CSNK2B: variants seen among roughly 807,000 people sequenced by gnomAD.
CSNK2B encodes casein kinase 2 beta.
In CSNK2B, 2 loss-of-function variants were observed where a neutral mutation model predicts 28.8. The observed-to-expected ratio is 0.07, with a 90% confidence interval of 0.03 to 0.22. CSNK2B has a LOEUF of 0.22. CSNK2B is among the 10% of genes least tolerant of loss of function. The pLI is 1.00. For synonymous variants in CSNK2B, 89 were observed against 96.1 expected (o/e 0.93, Z 0.43); for missense variants, 107 against 277.9 (o/e 0.39, Z 4.37).
intron 2 of CSNK2B, 48 bp from the exon 3 acceptor site, chr6:31,667,820 G>A (rs200287448): frequency 1.1e-4 from 132 of 1,149,772 alleles, no homozygotes; most frequent in Non-Finnish European, 1.6e-4. Context: ...CCAGGTCAAA[G>A]ATGAGGATTT....
intron 2 of CSNK2B, chr6:31,667,297 A>G: frequency 2.6e-6 from 1 of 379,580 alleles, no homozygotes. Flanking sequence ...ATGCCTGGCT[A>G]ATTTTTGTAT....
intron 3 of CSNK2B, chr6:31,668,278 T>C: frequency 5.0e-6 from 3 of 601,180 alleles, no homozygotes; most frequent in Non-Finnish European, 5.9e-6. Flanking sequence ...ATTGACATTG[T>C]TGCAGTTATG....
chr6:31,669,988 G>A lies in CSNK2B; in HGVS notation c.*62G>A, dbSNP rs1802071256. 2 of 1,386,140 alleles carry A rather than the reference G, an allele frequency of 1.4e-6. No individual in the cohort carries two copies. Among genetic ancestry groups the A allele is most frequent in the Non-Finnish European group, 2.0e-6 (2 of 999,256 alleles). 85.9% of individuals were successfully genotyped at this position (1,386,140 alleles called of 1,614,324 possible). A position where few individuals can be genotyped will look rare whatever the true frequency, so the allele number is the denominator to read the frequency against. ...CCTTTCTTTTTTGCCACCCTTTCAG[G>A]AACCCTGTATGGTTTTTAGTTTAAA... is the stretch of plus-strand genomic sequence containing the variant. On this transcript the variant is annotated 3_prime_UTR_variant, in exon 7 of 7. Transcript: ENST00000375882. This position sits in a 1 kb window ranked among gnomAD's most constrained non-coding sequence, Gnocchi z 4.8.
chr6:31,669,718 G>A lies in CSNK2B; in HGVS notation c.558-118G>A, dbSNP rs1802046646. 2 of 1,059,444 alleles carry A rather than the reference G, an allele frequency of 1.9e-6. No homozygotes were observed. Among genetic ancestry groups the A allele is most frequent in the South Asian group, 1.6e-5 (1 of 64,402 alleles). The allele number at this position is 1,059,444 out of a possible 1,614,324, so 65.6% of individuals were successfully genotyped here. ...TGAGCTGAGAAGTTGGGAACCACGA[G>A]GCTTTAGCTCTGAGCAGGTCCATAG... is the stretch of plus-strand genomic sequence containing the variant. On this transcript the variant is annotated intron_variant, in intron 6 of 6. Transcript: ENST00000375882. This position sits in a 1 kb window ranked among gnomAD's most constrained non-coding sequence, Gnocchi z 4.8.
At chr6:31,667,625 A>G (rs1256148807) in intron 2 of CSNK2B, among the ~76,000 whole-genome samples, 1 of 152,236 alleles carries the variant, frequency 6.6e-6, no homozygotes, top group East Asian at 1.9e-4. Flanking sequence ...AAGATCTTGA[A>G]AAGAATGTCT....
In CSNK2B at chr6:31,666,215, C is replaced by T; in HGVS notation, c.-12+7C>T. 2.0e-6 allele frequency: 2 copies of T among 991,114 alleles called. No homozygotes were observed. The highest frequency in any genetic ancestry group is 1.2e-6 in the Non-Finnish European group (1 of 832,210). The allele number at this position is 991,114 out of a possible 1,614,324, so 61.4% of individuals were successfully genotyped here. A position where few individuals can be genotyped will look rare whatever the true frequency, so the allele number is the denominator to read the frequency against. ...CCTGGTCCCCGTCCAGCCGGTGAGT[C>T]TGAAGTCGTCGCTGCTCCGAGTCCC... On this transcript the variant is annotated splice_region_variant and intron_variant, in intron 1 of 6. Coordinates refer to ENST00000375882, the MANE Select transcript of CSNK2B (RefSeq NM_001320.7).
rs3132448 is a variant in CSNK2B at position 31,666,981 on chromosome 6, G to A, written c.72+78G>A. ...ACGTTCCTTCACATATTCCACTTCT[G>A]CACTGTTCTCTTACATGCTATTTGA... is the stretch of plus-strand genomic sequence containing the variant. On this transcript the variant is annotated intron_variant, in intron 2 of 6. Coordinates refer to ENST00000375882, the MANE Select transcript of CSNK2B (RefSeq NM_001320.7). 1,146,248 of 1,146,382 alleles carry A rather than the reference G, an allele frequency of 1. 573,057 individuals carry two copies. Among genetic ancestry groups the A allele is most frequent in the Middle Eastern group, 1 (5,150 of 5,150 alleles). 71.0% of individuals were successfully genotyped at this position (1,146,382 alleles called of 1,614,324 possible). A position where few individuals can be genotyped will look rare whatever the true frequency, so the allele number is the denominator to read the frequency against.
In CSNK2B at chr6:31,667,989, T is replaced by G. The variant is rs1383520809; in HGVS notation, c.175+19T>G. 5 of 1,518,354 alleles carry G rather than the reference T, an allele frequency of 3.3e-6. No homozygotes were observed. Among genetic ancestry groups the G allele is most frequent in the Admixed American group, 1.7e-5 (1 of 59,556 alleles). The allele number at this position is 1,518,354 out of a possible 1,614,324, so 94.1% of individuals were successfully genotyped here. ...GAGCCTGGTGAGGCACCCTCAGGGT[T>G]GTTTTGTGTGTGTGCGTGCACTATT... On this transcript the variant is annotated intron_variant, in intron 3 of 6. Coordinates refer to ENST00000375882, the MANE Select transcript of CSNK2B (RefSeq NM_001320.7).
In CSNK2B at chr6:31,669,485, A is replaced by T; in HGVS notation, c.534A>T (p.Arg178Ser). The T allele has an allele frequency of 6.2e-7, 1 of 1,611,108 alleles. No individual in the cohort carries two copies. Among genetic ancestry groups the T allele is most frequent in the Non-Finnish European group, 8.5e-7 (1 of 1,179,936 alleles). The change falls in exon 6 of 7, where the codon AGA becomes AGT. Residue 178 changes from arginine to serine, a missense_variant. Transcript: ENST00000375882. The surrounding 1 kb of genome is among the most constrained non-coding windows in gnomAD (Gnocchi z 4.8). ...TGCATCCCGAGTACCGGCCCAAGAG[A>T]CCTGCCAACCAGTTTGTGCCCAGGT... is the stretch of plus-strand genomic sequence containing the variant. ...FMVHPEYRPK[R>S]PANQFVPRLY...
chr6:31,668,432 A>G (rs1801949805), intron 3 of CSNK2B, 107 bp from the exon 4 acceptor site: 3 of 958,768 alleles, frequency 3.1e-6, no homozygotes, highest in Non-Finnish European at 3.2e-6. Context: ...GGTAAGGCCC[A>G]AAAGTAGGTG....
Position 31,669,538 on chromosome 6 carries a change from A to G in CSNK2B, c.557+30A>G, listed in dbSNP as rs1006217739. On this transcript the variant is annotated intron_variant, in intron 6 of 6. Transcript: ENST00000375882. The surrounding 1 kb of genome is among the most constrained non-coding windows in gnomAD (Gnocchi z 4.8). ...GGAGCAGGGAGAGTCATTAAGGGTC[A>G]AAGGAAAGGCCCAAGATCCCCCAGA... 2.5e-6 allele frequency: 4 copies of G among 1,594,284 alleles called. No individual in the cohort carries two copies. The highest frequency in any genetic ancestry group is 3.4e-6 in the Non-Finnish European group (4 of 1,175,114).
At chr6:31,667,765 A>G in intron 2 of CSNK2B, 103 bp from the exon 3 acceptor site, 1 of 566,010 alleles carries the variant, frequency 1.8e-6, no homozygotes, top group Non-Finnish European at 3.1e-6. Flanking sequence ...CAAGCACAAC[A>G]GATGCAGTTG....
At position 31,666,087 on chromosome 6, in the gene CSNK2B, A is replaced by C. The variant is rs986172611; in HGVS notation, c.-133A>C. The C allele has an allele frequency of 2.2e-4, 206 of 942,424 alleles. No individual in the cohort carries two copies. The highest frequency in any genetic ancestry group is 1.2e-3 in the Admixed American group (15 of 12,528). 58.4% of individuals were successfully genotyped at this position (942,424 alleles called of 1,614,324 possible). ...CTCTTCCCCACCCTCCCTAATTTCC[A>C]CTCCCCCCACCCCACTTCGCCTGCC... On this transcript the variant is annotated 5_prime_UTR_variant, in exon 1 of 7. Transcript: ENST00000375882.
chr6:31,667,323 G>T (rs1006213953), intron 2 of CSNK2B: 1 of 368,082 alleles, frequency 2.7e-6, no homozygotes, highest in Admixed American at 3.6e-5. Context: ...GTAGAGACAG[G>T]GTTTCACTAT....
At position 31,669,958 on chromosome 6, in the gene CSNK2B, C is replaced by A. The variant is rs976862419; in HGVS notation, c.*32C>A. 2 of 1,569,538 alleles carry A rather than the reference C, an allele frequency of 1.3e-6. No individual in the cohort carries two copies. Among genetic ancestry groups the A allele is most frequent in the East Asian group, 2.3e-5 (1 of 44,400 alleles). On this transcript the variant is annotated 3_prime_UTR_variant, in exon 7 of 7. Transcript: ENST00000375882. The surrounding 1 kb of genome is among the most constrained non-coding windows in gnomAD (Gnocchi z 4.8). ...CCCCCACCTGTCCTGCAGTCTTTGA[C>A]TTTTCCTTTCTTTTTTGCCACCCTT...
Position 31,669,004 on chromosome 6 carries a change from G to GA in CSNK2B, c.292-92dup. 1 of 889,050 alleles carries GA rather than the reference G, an allele frequency of 1.1e-6. No homozygotes were observed. The highest frequency in any genetic ancestry group is 1.9e-6 in the Non-Finnish European group (1 of 534,838). 55.1% of individuals were successfully genotyped at this position (889,050 alleles called of 1,614,324 possible). A position where few individuals can be genotyped will look rare whatever the true frequency, so the allele number is the denominator to read the frequency against. On this transcript the variant is annotated intron_variant, in intron 4 of 6. Coordinates refer to ENST00000375882, the MANE Select transcript of CSNK2B (RefSeq NM_001320.7). This position sits in a 1 kb window ranked among gnomAD's most constrained non-coding sequence, Gnocchi z 4.8. ...AGGGGCCTCTGGACAGAGGTGGGAG[G>GA]AGTGGGGGACAGAGTGGTATGGGTT...
chr6:31,666,570 G>T (rs1392145171), intron 1 of CSNK2B: 10 of 555,240 alleles, frequency 1.8e-5, no homozygotes. Flanking sequence ...AGGGATGTGG[G>T]TCGGGCTGGT....
In CSNK2B at chr6:31,666,090, C is replaced by T. The variant is rs980930391; in HGVS notation, c.-130C>T. 10 of 992,764 alleles carry T rather than the reference C, an allele frequency of 1.0e-5. No homozygotes were observed. Among genetic ancestry groups the T allele is most frequent in the East Asian group, 1.1e-4 (1 of 9,190 alleles). The allele number at this position is 992,764 out of a possible 1,614,324, so 61.5% of individuals were successfully genotyped here. ...TTCCCCACCCTCCCTAATTTCCACT[C>T]CCCCCACCCCACTTCGCCTGCCGCG... On this transcript the variant is annotated 5_prime_UTR_variant, in exon 1 of 7. Coordinates refer to ENST00000375882, the MANE Select transcript of CSNK2B (RefSeq NM_001320.7).
At chr6:31,667,390 C>T (rs762665714) in intron 2 of CSNK2B, 27 of 357,692 alleles carry the variant, frequency 7.5e-5, no homozygotes, top group Non-Finnish European at 1.4e-4. Context: ...CCTCGGCCTC[C>T]CAAAGTGCTG....
Sources: allele counts gnomAD v4.1 joint callset (sites outside exome capture counted in the v4.1 genomes callset), GRCh38; gene constraint gnomAD v4.1.1; non-coding constraint Gnocchi (gnomAD v3.1); transcripts MANE v1.5; gene names NCBI Gene and HGNC (gene_info 2026-07-23, HGNC 2026-07-21).